KIAA1210: variants seen among roughly 807,000 people sequenced by gnomAD.
KIAA1210 encodes acrosomal protein KIAA1210.
A neutral mutation model predicts 78.9 loss-of-function variants in KIAA1210; 48 were observed. The ratio of observed to expected loss-of-function variants is 0.61; its 90% CI spans 0.48 to 0.77. KIAA1210 has a LOEUF of 0.77. Ranked by LOEUF, KIAA1210 falls within the 30% of genes least tolerant of loss-of-function variation. KIAA1210 has a pLI of 0.00. For synonymous variants in KIAA1210, 406 were observed against 404.5 expected, an observed-to-expected ratio of 1.00 and a Z score of -0.04; for missense variants, 1,108 against 1,100.0, an observed-to-expected ratio of 1.01 and a Z score of -0.10.
intron 1 of KIAA1210, among the ~76,000 whole-genome samples, chrX:119,124,299 T>G (rs1052934166): frequency 8.9e-6 from 1 of 112,556 alleles, no homozygotes; most frequent in Non-Finnish European, 1.9e-5. Context: ...AGGTTTCTTT[T>G]TGAGATGATG....
chrX:119,081,951 C>T (rs1926981672), intron 11 of KIAA1210, among the ~76,000 whole-genome samples: 2 of 112,279 alleles, frequency 1.8e-5, no homozygotes, highest in Non-Finnish European at 3.8e-5. Context: ...TTAATAGATG[C>T]ACCCAGTAAA....
chrX:119,088,727 T>A lies in KIAA1210; in HGVS notation c.1975A>T (p.Arg659Ter). The change falls in exon 9 of 12, where the codon AGA (arginine) becomes TGA (stop). Residue 659 changes from arginine (R) to a stop codon, truncating the protein, a stop_gained. Coordinates refer to ENST00000691062, the MANE Select transcript of KIAA1210 (RefSeq NM_001394962.1). LOFTEE classifies it high-confidence loss of function. ...LSSSEEELDL[R>*]CLSQALEEPE... ...TCCTCTAAAGCCTGGGAGAGGCATC[T>A]GAGGTCCAGCTCCTCCTCAGAGCTG... is the stretch of plus-strand genomic sequence containing the variant. 1 of 1,211,089 alleles carries A rather than the reference T, an allele frequency of 8.3e-7. No homozygotes were observed. Among genetic ancestry groups the A allele is most frequent in the Non-Finnish European group, 1.1e-6 (1 of 895,239 alleles).
intron 8 of KIAA1210, among the ~76,000 whole-genome samples, chrX:119,092,048 C>T (rs761499761): frequency 8.9e-6 from 1 of 111,802 alleles, no homozygotes; most frequent in Non-Finnish European, 1.9e-5. Context: ...CTATACAATC[C>T]ATCTGTGTAA....
chrX:119,144,939 C>G (rs1929132664), intron 2 of KIAA1210, among the ~76,000 whole-genome samples: 1 of 111,822 alleles, frequency 8.9e-6, no homozygotes. Flanking sequence ...CTCCACTAGA[C>G]CATAGTGCCT....
intron 10 of KIAA1210, among the ~76,000 whole-genome samples, chrX:119,084,849 G>T (rs767367188): frequency 1.8e-5 from 2 of 112,117 alleles, no homozygotes; most frequent in Non-Finnish European, 3.8e-5. Context: ...TTGTTTTGCA[G>T]ATTCTCTCTA....
intron 7 of KIAA1210, among the ~76,000 whole-genome samples, chrX:119,094,945 G>A (rs1927507524): frequency 8.9e-6 from 1 of 111,766 alleles, no homozygotes; most frequent in Non-Finnish European, 1.9e-5. Flanking sequence ...CATGTATAGG[G>A]TTTGGCACCT....
intron 5 of KIAA1210, 85 bp from the exon 6 acceptor site, chrX:119,105,232 A>G: frequency 1.4e-5 from 14 of 981,662 alleles, no homozygotes; most frequent in Non-Finnish European, 1.9e-5. Context: ...CTTTAATAAG[A>G]GTAAGGAATC....
chrX:119,086,382 A>C (rs1330319323), intron 9 of KIAA1210, among the ~76,000 whole-genome samples, 164 bp downstream of exon 9: 1 of 111,755 alleles, frequency 8.9e-6, no homozygotes, highest in Non-Finnish European at 1.9e-5. Flanking sequence ...AAATCTATTA[A>C]ATCTAGAATG....
At chrX:119,099,109 CTTGCTTTGCATGAAAGCCA>C (rs1927654616) in intron 6 of KIAA1210, among the ~76,000 whole-genome samples, 2 of 112,734 alleles carry the variant, frequency 1.8e-5, no homozygotes, top group Non-Finnish European at 3.7e-5. Flanking sequence ...CACCGTACAA[CTTGCTTTGCATGAAAGCCA>C]ACTTATGATG....
At chrX:119,112,137 C>T (rs1026127983) in intron 3 of KIAA1210, among the ~76,000 whole-genome samples, 1 of 111,412 alleles carries the variant, frequency 9.0e-6, no homozygotes, top group Admixed American at 9.6e-5. Context: ...CCATGTAAGA[C>T]GTGCCTTGCT....
intron 8 of KIAA1210, among the ~76,000 whole-genome samples, chrX:119,092,718 G>GCA (rs1927417933): frequency 1.8e-5 from 2 of 108,953 alleles, no homozygotes; most frequent in East Asian, 2.9e-4. Context: ...CCGAGATCAT[G>GCA]CCACTGCACT....
chrX:119,104,005 G>C (rs1200696078), intron 6 of KIAA1210, among the ~76,000 whole-genome samples: 1 of 112,187 alleles, frequency 8.9e-6, no homozygotes, highest in Non-Finnish European at 1.9e-5. Flanking sequence ...GAACCAAACA[G>C]GTTCTGGACC....
At chrX:119,105,863 C>CT (rs1927877594) in intron 5 of KIAA1210, among the ~76,000 whole-genome samples, 1 of 111,857 alleles carries the variant, frequency 8.9e-6, no homozygotes, top group Admixed American at 9.5e-5. Flanking sequence ...CTGCCATGGT[C>CT]CTCTTGATGT....
intron 6 of KIAA1210, among the ~76,000 whole-genome samples, chrX:119,103,416 A>G (rs1301228189): frequency 8.9e-6 from 1 of 112,197 alleles, no homozygotes; most frequent in African/African-American, 3.2e-5. Flanking sequence ...TAGCATGACT[A>G]TAATTTTTTT....
At chrX:119,139,603 A>T (rs1929000681) in intron 2 of KIAA1210, among the ~76,000 whole-genome samples, 1 of 111,667 alleles carries the variant, frequency 9.0e-6, no homozygotes, top group Admixed American at 9.5e-5. Context: ...GGTGGTAATG[A>T]CCTGTGTTCC....
intron 2 of KIAA1210, among the ~76,000 whole-genome samples, chrX:119,140,379 CT>C (rs1929020130): frequency 9.2e-6 from 1 of 108,460 alleles, no homozygotes; most frequent in African/African-American, 3.4e-5. Context: ...AAATACAAAA[CT>C]TAGCCGGGTG....
At position 119,083,043 on chromosome X, in the gene KIAA1210, C is replaced by T; in HGVS notation, c.4398G>A (p.Gln1466=). The stretch of plus-strand genomic sequence containing the variant: ...ATTTTGTAGGCTTAGGTGGCTTCAT[C>T]TGTGCTGTCTTCTCCTGTTTATGGA... The part of the protein sequence containing the change: ...SSVHKQEKTA[Q]MKPPKPTKSV... The change falls in exon 11 of 12, where the codon CAG becomes CAA. Residue 1466 remains glutamine (Q), a synonymous_variant. Transcript: ENST00000691062. 1 of 1,205,903 alleles carries T rather than the reference C, an allele frequency of 8.3e-7. No individual in the cohort carries two copies. Among genetic ancestry groups the T allele is most frequent in the Non-Finnish European group, 1.1e-6 (1 of 892,711 alleles).
At chrX:119,124,727 A>G (rs1219683200) in intron 1 of KIAA1210, among the ~76,000 whole-genome samples, 1 of 111,248 alleles carries the variant, frequency 9.0e-6, no homozygotes, top group Non-Finnish European at 1.9e-5. Flanking sequence ...CATCTCTACA[A>G]AAATTTTTTT....
At chrX:119,106,365 T>C (rs1020820508) in intron 5 of KIAA1210, among the ~76,000 whole-genome samples, 1 of 111,573 alleles carries the variant, frequency 9.0e-6, no homozygotes, top group African/African-American at 3.3e-5. Flanking sequence ...AAAACAAAAT[T>C]TGAGAGATGA....
Sources: allele counts gnomAD v4.1 joint callset (sites outside exome capture counted in the v4.1 genomes callset), GRCh38; gene constraint gnomAD v4.1.1; transcripts MANE v1.5; gene names NCBI Gene and HGNC (gene_info 2026-07-23, HGNC 2026-07-21).